IGFBP3: variants seen among roughly 807,000 people sequenced by gnomAD.
IGFBP3 encodes the protein insulin-like growth factor-binding protein 3.
IGFBP3 carries 9 observed loss-of-function variants against 28.6 expected under a neutral mutation model. That is an observed-to-expected ratio of 0.31 (90% CI 0.19 to 0.55). The LOEUF is 0.55. Among genes scored for constraint, IGFBP3 ranks in the 20% least tolerant of loss-of-function variants. The pLI, the probability that IGFBP3 is intolerant of heterozygous loss-of-function variation, is 0.93. For synonymous variants in IGFBP3, 185 were observed against 188.2 expected (o/e 0.98, Z 0.14); for missense variants, 382 against 428.9 (o/e 0.89, Z 0.97).
intron 1 of IGFBP3, chr7:45,919,980 T>C (rs1286111943): frequency 1.4e-5 from 2 of 145,648 alleles, no homozygotes; most frequent in African/African-American, 5.0e-5. Flanking sequence ...TTCCCTTCCG[T>C]GTCATTGAAA....
In IGFBP3 at chr7:45,920,773, A is replaced by C; in HGVS notation, c.368T>G (p.Leu123Arg). The stretch of plus-strand genomic sequence containing the variant: ...CGGCGCTGGCAGCAGGTAGGCGCGC[A>C]GGCGGCTGACGGCACTAGCGTTGAC... ...LCVNASAVSR[L>R]RAYLLPAPPA... The change falls in exon 1 of 5, where the codon CTG (leucine) becomes CGG (arginine). Residue 123 changes from leucine to arginine, a missense_variant. Physicochemically the swap from Leu to Arg is moderately radical, Grantham distance 102. Transcript: ENST00000613132. 7.0e-7 allele frequency: 1 copy of C among 1,421,888 alleles called. No individual in the cohort carries two copies. 88.1% of individuals were successfully genotyped at this position (1,421,888 alleles called of 1,614,324 possible).
chr7:45,917,173 G>T, intron 2 of IGFBP3, 40 bp downstream of exon 2: 1 of 1,514,912 alleles, frequency 6.6e-7, no homozygotes, highest in Non-Finnish European at 9.2e-7. Flanking sequence ...AGGCTTGGCA[G>T]GTCTTGCCCT....
At chr7:45,916,500 C>A in intron 3 of IGFBP3, 48 bp downstream of exon 3, 1 of 1,581,220 alleles carries the variant, frequency 6.3e-7, no homozygotes, top group Non-Finnish European at 8.7e-7. Context: ...TGGGTTTCTC[C>A]TCTGTGTCAA....
At position 45,920,356 on chromosome 7, in the gene IGFBP3, CA is replaced by C. The variant is rs200585332; in HGVS notation, c.403+381del. The C allele has an allele frequency of 7.6e-3, 1,726 of 225,874 alleles. 22 individuals are homozygous for C. The highest frequency in any genetic ancestry group is 0.037 in the African/African-American group (1,630 of 43,504). 14.0% of individuals were successfully genotyped at this position (225,874 alleles called of 1,614,324 possible). ...GGTCCAAATCCGCCTATATCCCCCC[CA>C]TCCCCAAGCATCCCTGGGATTGCAG... On this transcript the variant is annotated intron_variant, in intron 1 of 4. Coordinates refer to ENST00000613132, the MANE Select transcript of IGFBP3 (RefSeq NM_000598.5).
In IGFBP3 at chr7:45,920,934, G is replaced by A; in HGVS notation, c.207C>T (p.Cys69=). 2 of 1,403,302 alleles carry A rather than the reference G, an allele frequency of 1.4e-6. No homozygotes were observed. The highest frequency in any genetic ancestry group is 1.8e-6 in the Non-Finnish European group (2 of 1,084,370). 86.9% of individuals were successfully genotyped at this position (1,403,302 alleles called of 1,614,324 possible). The part of the protein sequence containing the change: ...AELVREPGCG[C]CLTCALSEGQ... ...CCTCGCTCAGTGCGCACGTCAGGCA[G>A]CAGCCGCAGCCCGGCTCGCGCACCA... The change falls in exon 1 of 5, where the codon TGC becomes TGT. Residue 69 remains cysteine, a synonymous_variant. Transcript: ENST00000613132.
rs1784586077 is a variant in IGFBP3 at position 45,914,762 on chromosome 7, A to C, written c.*15+43T>G. On this transcript the variant is annotated intron_variant, in intron 4 of 4. Coordinates refer to ENST00000613132, the MANE Select transcript of IGFBP3 (RefSeq NM_000598.5). ...CAGCCCCTGAGGCTGGTCCAAGGAC[A>C]GTGAGGCCCTGGAGCCCCAGGCTGC... The C allele has an allele frequency of 9.4e-6, 15 of 1,596,390 alleles. No individual in the cohort carries two copies. The East Asian group carries it at 3.1e-4, about 33-fold the overall frequency.
chr7:45,920,943 G>A lies in IGFBP3; in HGVS notation c.198C>T (p.Gly66=). The A allele has an allele frequency of 4.3e-6, 6 of 1,391,854 alleles. No individual in the cohort carries two copies. Among genetic ancestry groups the A allele is most frequent in the Non-Finnish European group, 5.6e-6 (6 of 1,078,616 alleles). The allele number at this position is 1,391,854 out of a possible 1,614,324, so 86.2% of individuals were successfully genotyped here. The change falls in exon 1 of 5, where the codon GGC becomes GGT. Residue 66 remains glycine (G), a synonymous_variant. Coordinates refer to ENST00000613132, the MANE Select transcript of IGFBP3 (RefSeq NM_000598.5). ...GTGCGCACGTCAGGCAGCAGCCGCA[G>A]CCCGGCTCGCGCACCAGCTCCGCGC... ...AVCAELVREP[G]CGCCLTCALS...
Position 45,915,121 on chromosome 7 carries a change from C to T in IGFBP3, c.751-176G>A, listed in dbSNP as rs749233223. On this transcript the variant is annotated intron_variant, in intron 3 of 4. Coordinates refer to ENST00000613132, the MANE Select transcript of IGFBP3 (RefSeq NM_000598.5). Reference sequence around the variant, plus strand: ...GTGCCTAGGCCCGCTGAGTGTGCGCCTGTGCATGCGTGTGGGTGTAACTTC... The same window carrying T: ...GTGCCTAGGCCCGCTGAGTGTGCGCTTGTGCATGCGTGTGGGTGTAACTTC... The T allele has an allele frequency of 2.6e-4, 166 of 643,734 alleles. No individual in the cohort carries two copies. The Middle Eastern group carries it at 3.3e-3, about 13-fold the overall frequency. 39.9% of individuals were successfully genotyped at this position (643,734 alleles called of 1,614,324 possible). A position where few individuals can be genotyped will look rare whatever the true frequency, so the allele number is the denominator to read the frequency against.
chr7:45,914,580 C>T (rs902075695), intron 4 of IGFBP3: 10 of 434,624 alleles, frequency 2.3e-5, no homozygotes, highest in Non-Finnish European at 4.2e-5. Flanking sequence ...CTGAGGTGCA[C>T]TGGCCGGCCT....
At position 45,917,273 on chromosome 7, in the gene IGFBP3, G is replaced by A. The variant is rs766767739; in HGVS notation, c.570C>T (p.Tyr190=). ...TCTGGGTATCTGTGCTCTGAGACTC[G>A]TAGTCAACTTTGTAGCGCTGGCTGT... The part of the protein sequence containing the change: ...AKDSQRYKVD[Y]ESQSTDTQNF... Residue 190 remains tyrosine, a synonymous_variant, in exon 2 of 5, where the codon TAC becomes TAT. Coordinates refer to ENST00000613132, the MANE Select transcript of IGFBP3 (RefSeq NM_000598.5). The A allele has an allele frequency of 1.9e-6, 3 of 1,614,058 alleles. No individual in the cohort carries two copies. Among genetic ancestry groups the A allele is most frequent in the Admixed American group, 1.7e-5 (1 of 60,022 alleles).
chr7:45,917,569 TTTTTA>T, intron 1 of IGFBP3, 130 bp from the exon 2 acceptor site: 2 of 642,856 alleles, frequency 3.1e-6, no homozygotes. Flanking sequence ...TGAGTTTTTT[TTTTTA>T]AAATACCTCG....
At chr7:45,918,688 G>A in intron 1 of IGFBP3, among the ~76,000 whole-genome samples, 1 of 152,200 alleles carries the variant, frequency 6.6e-6, no homozygotes, top group East Asian at 1.9e-4. Context: ...ATTCTAGAAA[G>A]CTACCTGGGG....
intron 3 of IGFBP3, 157 bp from the exon 4 acceptor site, chr7:45,915,102 A>T (rs1267124322): frequency 1.3e-6 from 1 of 752,786 alleles, no homozygotes; most frequent in Non-Finnish European, 2.1e-6. Context: ...ATGCGTGCCT[A>T]GGCCCGCTGA....
chr7:45,917,449 C>T lies in IGFBP3; in HGVS notation c.404-10G>A, dbSNP rs369561034. ...GACTCACTAGCATTTCCTTAAAACGCCCAAGAGAGACAAACACATGAGAGT... is the reference window on the plus strand; with the variant it reads ...GACTCACTAGCATTTCCTTAAAACGTCCAAGAGAGACAAACACATGAGAGT... On this transcript the variant is annotated splice_polypyrimidine_tract_variant and intron_variant, in intron 1 of 4. Transcript: ENST00000613132. The T allele has an allele frequency of 2.5e-6, 4 of 1,596,152 alleles. No individual in the cohort carries two copies. The highest frequency in any genetic ancestry group is 3.4e-6 in the Non-Finnish European group (4 of 1,169,686).
chr7:45,918,890 C>G (rs1469936032), intron 1 of IGFBP3, among the ~76,000 whole-genome samples: 1 of 152,162 alleles, frequency 6.6e-6, no homozygotes, highest in Non-Finnish European at 1.5e-5. Context: ...TTCCCAGGGT[C>G]CAGCACAGAG....
chr7:45,917,771 A>T (rs561500147), intron 1 of IGFBP3, among the ~76,000 whole-genome samples: 1 of 152,326 alleles, frequency 6.6e-6, no homozygotes, highest in South Asian at 2.1e-4. Context: ...CAGGGGGCAG[A>T]CCTGAGCCAC....
At position 45,921,078 on chromosome 7, in the gene IGFBP3, C is replaced by T. The variant is rs765814308; in HGVS notation, c.63G>A (p.Gly21=). 13 of 1,457,340 alleles carry T rather than the reference C, an allele frequency of 8.9e-6. No individual in the cohort carries two copies. Among genetic ancestry groups the T allele is most frequent in the Admixed American group, 2.6e-5 (1 of 38,374 alleles). The allele number at this position is 1,457,340 out of a possible 1,614,324, so 90.3% of individuals were successfully genotyped here. The change falls in exon 1 of 5, where the codon GGG becomes GGA. Residue 21 remains glycine, a synonymous_variant. Coordinates refer to ENST00000613132, the MANE Select transcript of IGFBP3 (RefSeq NM_000598.5). ...TCGCGCCAGCCCGCGCCACCGGCGG[C>T]CCGCGGAGCAGCACCAGCAGAGTCA... ...AALTLLVLLR[G]PPVARAGASS... is the part of the protein sequence containing the mutation.
At position 45,913,165 on chromosome 7, in the gene IGFBP3, A is replaced by C. The variant is rs1233888426; in HGVS notation, c.*685T>G. The C allele has an allele frequency of 6.6e-6, 1 of 152,170 alleles. No homozygotes were observed. Among genetic ancestry groups the C allele is most frequent in the African/African-American group, 2.4e-5 (1 of 41,440 alleles). 9.4% of individuals were successfully genotyped at this position (152,170 alleles called of 1,614,324 possible). On this transcript the variant is annotated 3_prime_UTR_variant, in exon 5 of 5. Coordinates refer to ENST00000613132, the MANE Select transcript of IGFBP3 (RefSeq NM_000598.5). ...GCCATGTCTTCAGGAAGATTCCTGAAGAGGAGGGCCCGAAATACCTGCCTT... is the reference window on the plus strand; with the variant it reads ...GCCATGTCTTCAGGAAGATTCCTGACGAGGAGGGCCCGAAATACCTGCCTT...
Position 45,916,614 on chromosome 7 carries a change from A to G in IGFBP3, c.684T>C (p.Asn228=), listed in dbSNP as rs779273515. ...EDTLNHLKFL[N]VLSPRGVHIP... is the part of the protein sequence containing the mutation. ...TGTGTACACCCCTGGGACTCAGCACATTGAGGAACTTCAGGTGATTCAGTG... is the reference window on the plus strand; with the variant it reads ...TGTGTACACCCCTGGGACTCAGCACGTTGAGGAACTTCAGGTGATTCAGTG... The change falls in exon 3 of 5, where the codon AAT becomes AAC. Residue 228 remains asparagine (N), a synonymous_variant. Coordinates refer to ENST00000613132, the MANE Select transcript of IGFBP3 (RefSeq NM_000598.5). The G allele has an allele frequency of 1.2e-6, 2 of 1,613,670 alleles. No homozygotes were observed. Among genetic ancestry groups the G allele is most frequent in the South Asian group, 1.1e-5 (1 of 91,054 alleles).
Sources: allele counts gnomAD v4.1 joint callset (sites outside exome capture counted in the v4.1 genomes callset), GRCh38; gene constraint gnomAD v4.1.1; transcripts MANE v1.5; gene names NCBI Gene and HGNC (gene_info 2026-07-23, HGNC 2026-07-21).